Variants in NKD2 observed in about 807,000 individuals in gnomAD.
The protein encoded by NKD2 is NKD inhibitor of Wnt signaling pathway 2.
In NKD2, 43 loss-of-function variants were observed where a neutral mutation model predicts 34.8. The observed-to-expected ratio is 1.24, with a 90% CI of 0.97 to 1.60. The LOEUF (loss-of-function observed/expected upper bound fraction) is 1.60, where lower values mean the gene tolerates loss of function less well. NKD2 is among the 40% of genes most tolerant of loss of function. NKD2 has a pLI of 0.00. For missense variants in NKD2, 675 were observed against 627.1 expected, an observed-to-expected ratio of 1.08 and a Z score of -0.82; for synonymous variants, 278 against 265.1, an observed-to-expected ratio of 1.05 and a Z score of -0.47.
At chr5:1,012,576 G>T (rs1755795806) in intron 3 of NKD2, among the ~76,000 whole-genome samples, 1 of 152,378 alleles carries the variant, frequency 6.6e-6, no homozygotes, top group Non-Finnish European at 1.5e-5. Flanking sequence ...TCCAGGCCAG[G>T]GCCCAGGCCT....
chr5:1,027,415 G>A (rs1436367968), intron 3 of NKD2, among the ~76,000 whole-genome samples: 1 of 152,210 alleles, frequency 6.6e-6, no homozygotes, highest in Non-Finnish European at 1.5e-5. Flanking sequence ...AGGGACCCGG[G>A]AGCCCCGAGG....
chr5:1,033,018 G>T (rs73731134), intron 4 of NKD2, among the ~76,000 whole-genome samples: 1 of 136,794 alleles, frequency 7.3e-6, no homozygotes, highest in Non-Finnish European at 1.7e-5. Context: ...GTGGAGGGCC[G>T]GAGGGACTGT....
intron 3 of NKD2, among the ~76,000 whole-genome samples, chr5:1,027,769 C>T (rs906221950): frequency 2.6e-5 from 4 of 152,236 alleles, no homozygotes; most frequent in Non-Finnish European, 4.4e-5. Context: ...GAGGGGACAG[C>T]GCCTCCTTGC....
At chr5:1,030,902 G>T (rs891389526) in intron 3 of NKD2, among the ~76,000 whole-genome samples, 1 of 152,224 alleles carries the variant, frequency 6.6e-6, no homozygotes, top group Non-Finnish European at 1.5e-5. Flanking sequence ...AGCCACAAGG[G>T]GGGCTGGGGG....
intron 8 of NKD2, 71 bp downstream of exon 8, chr5:1,035,544 C>T (rs1733860419): frequency 2.9e-6 from 3 of 1,039,242 alleles, no homozygotes; most frequent in Non-Finnish European, 2.9e-6. Flanking sequence ...CTGCTTCCCG[C>T]AGGCCACAGG....
At chr5:1,024,817 T>A (rs370549989) in intron 3 of NKD2, among the ~76,000 whole-genome samples, 1 of 4,872 alleles carries the variant, frequency 2.1e-4, no homozygotes, top group Non-Finnish European at 1.5e-3. Context: ...GTCCCAGCCC[T>A]TTGTCCCTGC....
chr5:1,016,263 C>G (rs1755948928), intron 3 of NKD2, among the ~76,000 whole-genome samples: 1 of 152,258 alleles, frequency 6.6e-6, no homozygotes, highest in Non-Finnish European at 1.5e-5. Flanking sequence ...GAGCTGCACC[C>G]ATGCTGGCTG....
rs1258542128 is a variant in NKD2, at chr5:1,035,529, C to T, written c.659+56C>T. 8 of 1,380,246 alleles carry T rather than the reference C, an allele frequency of 5.8e-6. No homozygotes were observed. In the African/African-American group the frequency reaches 8.7e-5, roughly 15 times the overall value. The allele number at this position is 1,380,246 out of a possible 1,614,324, so 85.5% of individuals were successfully genotyped here. On this transcript the variant is annotated intron_variant, in intron 8 of 9. Transcript: ENST00000296849. ...GCCTTAGGCGGGGGCACCCTGGCCA[C>T]ACCCCTGCTTCCCGCAGGCCACAGG... is the stretch of plus-strand genomic sequence containing the variant.
rs1304032839 is a variant in NKD2, at chr5:1,018,594, C to T, written c.141+9034C>T. Among the ~76,000 whole-genome samples the T allele has an allele frequency of 3.3e-5, 5 of 152,132 alleles. No homozygotes were observed. The East Asian group carries it at 5.8e-4, about 18-fold the overall frequency. On this transcript the variant is annotated intron_variant, in intron 3 of 9. Coordinates refer to ENST00000296849, the MANE Select transcript of NKD2 (RefSeq NM_033120.4). ...TCAGGGGCTTGTGCTCAGATGGTGA[C>T]GCCCAGCCCCCTTGTCCCCAGGGTG...
chr5:1,028,232 C>T (rs1003642295), intron 3 of NKD2, among the ~76,000 whole-genome samples: 2 of 151,918 alleles, frequency 1.3e-5, no homozygotes. Context: ...TGGACGGTGG[C>T]CTCGGGGTGG....
intron 3 of NKD2, among the ~76,000 whole-genome samples, chr5:1,010,604 T>C (rs1337946902): frequency 6.6e-6 from 1 of 152,156 alleles, no homozygotes; most frequent in African/African-American, 2.4e-5. Context: ...AAGCACGCTG[T>C]AAGGTACAGT....
intron 3 of NKD2, among the ~76,000 whole-genome samples, chr5:1,021,163 G>C (rs998128151): frequency 2.6e-5 from 4 of 152,130 alleles, no homozygotes; most frequent in African/African-American, 9.7e-5. Flanking sequence ...TGCTTTTCTA[G>C]GTATAAATTT....
intron 3 of NKD2, among the ~76,000 whole-genome samples, chr5:1,021,435 C>G (rs1343963807): frequency 2.7e-5 from 4 of 146,202 alleles, no homozygotes; most frequent in Non-Finnish European, 6.0e-5. Context: ...CCAGCCCCTC[C>G]CCACAGGGCC....
chr5:1,017,601 CAAA>C (rs1351126265), intron 3 of NKD2, among the ~76,000 whole-genome samples: 1 of 152,212 alleles, frequency 6.6e-6, no homozygotes, highest in Admixed American at 6.5e-5. Flanking sequence ...AAGGAGGAAA[CAAA>C]AACAGAAGGG....
chr5:1,035,609 C>T, intron 8 of NKD2, 136 bp downstream of exon 8: 1 of 677,824 alleles, frequency 1.5e-6, no homozygotes, highest in South Asian at 1.9e-5. Flanking sequence ...CCTGGTCCAG[C>T]AGCTCTGTGG....
At chr5:1,015,543 A>T (rs531901246) in intron 3 of NKD2, among the ~76,000 whole-genome samples, 1 of 152,298 alleles carries the variant, frequency 6.6e-6, no homozygotes, top group East Asian at 1.9e-4. Context: ...TCTCAGACAG[A>T]TGCCTGCATC....
chr5:1,021,382 ACCCACCCACCCG>A lies in NKD2; in HGVS notation c.142-10769_142-10758del, dbSNP rs1178361082. Reference sequence around the variant, plus strand: ...CCCCCGCCCCTCCACCCACCCACCCACCCACCCACCCGTCCCAACCCCTGCCCCCGACCCAGC... The same window carrying A: ...CCCCCGCCCCTCCACCCACCCACCCATCCCAACCCCTGCCCCCGACCCAGC... On this transcript the variant is annotated intron_variant, in intron 3 of 9. Transcript: ENST00000296849. Among the ~76,000 whole-genome samples, 75 of 50,896 alleles carry A rather than the reference ACCCACCCACCCG, an allele frequency of 1.5e-3. 1 individual carries two copies. The highest frequency in any genetic ancestry group is 5.1e-3 in the African/African-American group (62 of 12,218). 33.4% of individuals were successfully genotyped at this position (50,896 alleles called of 152,430 possible).
chr5:1,016,329 CA>C lies in NKD2; in HGVS notation c.141+6770del, dbSNP rs1755951526. Among the ~76,000 whole-genome samples the C allele has an allele frequency of 2.0e-5, 3 of 152,370 alleles. 1 individual carries two copies. In the South Asian group the frequency reaches 6.2e-4, roughly 32 times the overall value. ...AAATACTTGGCAGGGCACCCTTTGGCAGCCTTTCACGCTGGCGTGAAACAAA... is the reference window on the plus strand; with the variant it reads ...AAATACTTGGCAGGGCACCCTTTGGCGCCTTTCACGCTGGCGTGAAACAAA... On this transcript the variant is annotated intron_variant, in intron 3 of 9. Transcript: ENST00000296849.
intron 6 of NKD2, 64 bp from the exon 7 acceptor site, chr5:1,034,692 G>C: frequency 1.3e-6 from 2 of 1,536,918 alleles, no homozygotes; most frequent in Non-Finnish European, 8.9e-7. Context: ...GTGTTTTCTG[G>C]CAGGGAGGGC....
Sources: gnomAD v4.1 joint callset for allele counts (sites outside exome capture counted in the v4.1 genomes callset) on GRCh38, gnomAD v4.1.1 for gene constraint, MANE v1.5 for transcripts, NCBI Gene and HGNC (gene_info 2026-07-23, HGNC 2026-07-21) for gene names.